Variants in GMDS observed in about 807,000 individuals in gnomAD.
GMDS encodes the protein GDP-mannose 4,6 dehydratase.
In GMDS, 20 loss-of-function variants were observed where a neutral mutation model predicts 49.9. The observed-to-expected ratio is 0.40, with a 90% CI of 0.28 to 0.58. The LOEUF (loss-of-function observed/expected upper bound fraction) is 0.58. Ranked by LOEUF, GMDS falls within the 20% of genes least tolerant of loss-of-function variation. GMDS has a pLI of 0.42. For synonymous variants in GMDS, 177 were observed against 178.6 expected (o/e 0.99, Z 0.07); for missense variants, 362 against 481.4 (o/e 0.75, Z 2.32).
chr6:2,023,852 A>T (rs968729510), intron 4 of GMDS, among the ~76,000 whole-genome samples: 2 of 152,200 alleles, frequency 1.3e-5, no homozygotes, highest in African/African-American at 4.8e-5. Context: ...AGAGAGGCTG[A>T]GATGCTCCAA....
chr6:1,820,253 A>G (rs73409366), intron 7 of GMDS, among the ~76,000 whole-genome samples: 1 of 152,168 alleles, frequency 6.6e-6, no homozygotes, highest in African/African-American at 2.4e-5. Context: ...ATTATGAAAA[A>G]ATAAAATGTG....
Position 1,833,559 on chromosome 6 carries a change from A to G in GMDS, c.772-90973T>C, listed in dbSNP as rs568833856. ...CTTCTCCTCCCCTTCCTGAGGGAACATAACACAAGGTAATTAAATTGTAAA... is the reference window on the plus strand; with the variant it reads ...CTTCTCCTCCCCTTCCTGAGGGAACGTAACACAAGGTAATTAAATTGTAAA... On this transcript the variant is annotated intron_variant, in intron 7 of 10. Coordinates refer to ENST00000380815, the MANE Select transcript of GMDS (RefSeq NM_001500.4). The surrounding 1 kb of genome is among the most constrained non-coding windows in gnomAD (Gnocchi z 4.4). Among the ~76,000 whole-genome samples, 1 of 152,210 alleles carries G rather than the reference A, an allele frequency of 6.6e-6. No homozygotes were observed. Among genetic ancestry groups the G allele is most frequent in the African/African-American group, 2.4e-5 (1 of 41,532 alleles).
At chr6:2,066,863 A>T (rs1042605958) in intron 4 of GMDS, among the ~76,000 whole-genome samples, 1 of 151,988 alleles carries the variant, frequency 6.6e-6, no homozygotes, top group East Asian at 1.9e-4. Flanking sequence ...AACGAGACAG[A>T]AAGTCAACAA....
At chr6:1,877,881 T>G (rs538273670) in intron 7 of GMDS, among the ~76,000 whole-genome samples, 1 of 152,304 alleles carries the variant, frequency 6.6e-6, no homozygotes, top group South Asian at 2.1e-4. Flanking sequence ...AGCAAAATAT[T>G]TTTGCTATTT....
Position 1,734,073 on chromosome 6 carries a change from C to T in GMDS, c.891-7561G>A, listed in dbSNP as rs1459813925. 3.9e-5 allele frequency among the ~76,000 whole-genome samples: 6 copies of T among 152,126 alleles called. 1 individual carries two copies. Among genetic ancestry groups the T allele is most frequent in the South Asian group, 2.1e-4 (1 of 4,824 alleles). ...GAGCACTCTAACATTTAAAATACAG[C>T]GCTAGTGTAAACGGTGAACCCTGGA... is the stretch of plus-strand genomic sequence containing the variant. On this transcript the variant is annotated intron_variant, in intron 8 of 10. Coordinates refer to ENST00000380815, the MANE Select transcript of GMDS (RefSeq NM_001500.4).
intron 1 of GMDS, among the ~76,000 whole-genome samples, chr6:2,212,381 G>A (rs1780100445): frequency 6.6e-6 from 1 of 152,086 alleles, no homozygotes; most frequent in Admixed American, 6.5e-5. Flanking sequence ...TTCAAGCAGC[G>A]AGCATTGCAG....
At position 1,735,088 on chromosome 6, in the gene GMDS, T is replaced by C. The variant is rs1169502032; in HGVS notation, c.890+7380A>G. 1.3e-5 allele frequency among the ~76,000 whole-genome samples: 2 copies of C among 152,162 alleles called. 1 individual carries two copies. The highest frequency in any genetic ancestry group is 2.9e-5 in the Non-Finnish European group (2 of 68,014). ...GGATAAGGATGGAGCTTCTGCTGTG[T>C]GGGGGAAGCAAAACTTACAGAGGCT... is the stretch of plus-strand genomic sequence containing the variant. On this transcript the variant is annotated intron_variant, in intron 8 of 10. Transcript: ENST00000380815.
At chr6:1,645,493 C>T (rs1231904139) in intron 9 of GMDS, among the ~76,000 whole-genome samples, 1 of 152,226 alleles carries the variant, frequency 6.6e-6, no homozygotes, top group Non-Finnish European at 1.5e-5. Flanking sequence ...GGGACGCTCA[C>T]CCTGTCCTCC....
intron 4 of GMDS, among the ~76,000 whole-genome samples, chr6:2,086,617 T>G (rs1018889915): frequency 6.6e-6 from 1 of 152,260 alleles, no homozygotes; most frequent in African/African-American, 2.4e-5. Flanking sequence ...AGCTTTTACA[T>G]ACTTTTCAAT....
At chr6:1,972,227 T>C (rs892587124) in intron 4 of GMDS, among the ~76,000 whole-genome samples, 82 of 150,690 alleles carry the variant, frequency 5.4e-4, no homozygotes, top group Non-Finnish European at 1.0e-3. Flanking sequence ...TAAAATTATT[T>C]AAAACAAATA....
intron 6 of GMDS, among the ~76,000 whole-genome samples, chr6:1,947,554 C>T (rs1015357146): frequency 6.6e-6 from 1 of 152,192 alleles, no homozygotes; most frequent in East Asian, 1.9e-4. Flanking sequence ...CACTTCCTTA[C>T]TTGCATACCC....
intron 8 of GMDS, among the ~76,000 whole-genome samples, chr6:1,733,230 C>A (rs1325183954): frequency 6.6e-6 from 1 of 152,224 alleles, no homozygotes; most frequent in East Asian, 1.9e-4. Context: ...TGGGAAGAGG[C>A]AGGCCAAGGT....
chr6:1,697,496 C>A (rs568669434), intron 9 of GMDS, among the ~76,000 whole-genome samples: 1 of 152,338 alleles, frequency 6.6e-6, no homozygotes, highest in South Asian at 2.1e-4. Flanking sequence ...AAACCTATTT[C>A]TTATAGGCTA....
intron 4 of GMDS, among the ~76,000 whole-genome samples, chr6:1,997,965 C>T (rs988595560): frequency 6.6e-6 from 1 of 151,942 alleles, no homozygotes; most frequent in Non-Finnish European, 1.5e-5. Context: ...CTCTCAGAGG[C>T]AGTACAAGAA....
At chr6:1,801,222 G>A (rs906154336) in intron 7 of GMDS, among the ~76,000 whole-genome samples, 4 of 152,182 alleles carry the variant, frequency 2.6e-5, no homozygotes, top group African/African-American at 9.6e-5. Flanking sequence ...ATGCAAGGTG[G>A]CCTCTTGAGG....
intron 4 of GMDS, among the ~76,000 whole-genome samples, chr6:1,983,405 T>C (rs1221507317): frequency 6.6e-6 from 1 of 152,164 alleles, no homozygotes; most frequent in Non-Finnish European, 1.5e-5. Context: ...GAAGAGCTTC[T>C]GTACAGCAAA....
At chr6:1,915,261 G>A (rs559761036) in intron 7 of GMDS, among the ~76,000 whole-genome samples, 3 of 152,226 alleles carry the variant, frequency 2.0e-5, no homozygotes, top group Non-Finnish European at 4.4e-5. Flanking sequence ...CCAGATGCAA[G>A]CATTGTCAGC....
chr6:2,124,777 T>A (rs372116726), intron 1 of GMDS, 46 bp from the exon 2 acceptor site: 1 of 1,453,608 alleles, frequency 6.9e-7, no homozygotes, highest in Non-Finnish European at 9.6e-7. Context: ...CATAGTGGTA[T>A]AGAAAGGTGG....
intron 7 of GMDS, among the ~76,000 whole-genome samples, chr6:1,755,187 A>G (rs1196518485): frequency 6.6e-6 from 1 of 152,230 alleles, no homozygotes; most frequent in African/African-American, 2.4e-5. Context: ...GCAAAGTCTC[A>G]GGGTACAAAA....
Sources: gnomAD v4.1 joint callset for allele counts (sites outside exome capture counted in the v4.1 genomes callset) on GRCh38, gnomAD v4.1.1 for gene constraint, Gnocchi (gnomAD v3.1) non-coding constraint, MANE v1.5 for transcripts, NCBI Gene and HGNC (gene_info 2026-07-23, HGNC 2026-07-21) for gene names.